Variants in ADK observed in about 807,000 individuals in gnomAD.
ADK encodes the protein N6,N6-dimethyladenosine kinase.
Under a neutral mutation model 44.7 loss-of-function variants are expected in ADK, and 24 were observed. That is an observed-to-expected ratio of 0.54 (90% confidence interval 0.39 to 0.76). ADK has a LOEUF of 0.76. Ranked by LOEUF, ADK falls within the 30% of genes least tolerant of loss-of-function variation. The probability of loss-of-function intolerance (pLI) is 0.00; values close to 1 mark genes in which losing one functional copy is unlikely to be tolerated. For synonymous variants in ADK, 128 were observed against 142.6 expected (o/e 0.90, Z 0.73); for missense variants, 321 against 425.1 (o/e 0.76, Z 2.15).
intron 2 of ADK, among the ~76,000 whole-genome samples, chr10:74,218,665 ATC>A (rs999344472): frequency 3.3e-5 from 5 of 152,340 alleles, no homozygotes; most frequent in Admixed American, 6.5e-5. Flanking sequence ...CTAACAGCGG[ATC>A]TCTCGGCAAA....
chr10:74,703,277 T>C (rs936335743), intron 10 of ADK, among the ~76,000 whole-genome samples: 7 of 151,698 alleles, frequency 4.6e-5, no homozygotes, highest in African/African-American at 1.7e-4. Flanking sequence ...AGTCCAGGAG[T>C]TCGAGACCAG....
chr10:74,474,950 A>G (rs1589148258), intron 6 of ADK, among the ~76,000 whole-genome samples: 1 of 151,818 alleles, frequency 6.6e-6, no homozygotes, highest in Non-Finnish European at 1.5e-5. Context: ...ACATGGTGAA[A>G]CCCCGTCTCT....
rs570029131 is a variant in ADK at position 74,632,933 on chromosome 10, C to G, written c.877+32440C>G. Reference sequence around the variant, plus strand: ...ATACTGTTGATATGTTTGTTTTTTCCTTTTTTCAGTTTATAATATATTCTG... The same window carrying G: ...ATACTGTTGATATGTTTGTTTTTTCGTTTTTTCAGTTTATAATATATTCTG... On this transcript the variant is annotated intron_variant, in intron 9 of 10. Coordinates refer to ENST00000539909, the MANE Select transcript of ADK (RefSeq NM_006721.4). Among the ~76,000 whole-genome samples, 107 of 151,734 alleles carry G rather than the reference C, an allele frequency of 7.1e-4. No individual in the cohort carries two copies. The Middle Eastern group carries it at 0.014, about 19-fold the overall frequency.
intron 1 of ADK, among the ~76,000 whole-genome samples, chr10:74,184,276 A>G (rs993908452): frequency 1.3e-5 from 2 of 152,202 alleles, no homozygotes; most frequent in African/African-American, 4.8e-5. Context: ...CATATGTTCC[A>G]GTTTGCCCAG....
At chr10:74,570,250 G>A (rs552683352) in intron 7 of ADK, among the ~76,000 whole-genome samples, 1,552 of 151,636 alleles carry the variant, frequency 0.01, 30 homozygotes, top group African/African-American at 0.036. Flanking sequence ...TTGACTTGGC[G>A]ATGCGGGCTC....
chr10:74,199,010 G>T (rs1416572464), intron 1 of ADK, among the ~76,000 whole-genome samples: 2 of 152,076 alleles, frequency 1.3e-5, no homozygotes, highest in African/African-American at 4.8e-5. Context: ...GAAAAGATGT[G>T]CATTTAAATT....
intron 4 of ADK, among the ~76,000 whole-genome samples, chr10:74,340,629 A>G (rs1841552627): frequency 6.6e-6 from 1 of 152,182 alleles, no homozygotes; most frequent in African/African-American, 2.4e-5. Flanking sequence ...AGATCTGGGC[A>G]TCAGAATAGA....
intron 9 of ADK, among the ~76,000 whole-genome samples, chr10:74,614,286 T>G (rs1369105055): frequency 6.6e-6 from 1 of 152,124 alleles, no homozygotes; most frequent in African/African-American, 2.4e-5. Context: ...ATATAAGCCC[T>G]ATTATAGCAC....
At chr10:74,161,420 A>G (rs764185526) in intron 1 of ADK, among the ~76,000 whole-genome samples, 6 of 152,208 alleles carry the variant, frequency 3.9e-5, no homozygotes, top group Non-Finnish European at 7.3e-5. Flanking sequence ...TGTGTTAGCC[A>G]GTATGGTCTC....
At chr10:74,634,887 A>G (rs114309236) in intron 9 of ADK, among the ~76,000 whole-genome samples, 2,669 of 152,144 alleles carry the variant, frequency 0.018, 70 homozygotes, top group African/African-American at 0.061. Flanking sequence ...AGAGGTTGCA[A>G]TGAGCCGAGA....
chr10:74,371,779 T>C lies in ADK; in HGVS notation c.274-22362T>C, dbSNP rs1049669383. On this transcript the variant is annotated intron_variant, in intron 4 of 10. Coordinates refer to ENST00000539909, the MANE Select transcript of ADK (RefSeq NM_006721.4). ...GTCAGTGTTATATCCTCCAGGAATA[T>C]TGGCCAAAGGGCTGTGCTGAAGTTT... 15 of 1,316,194 alleles carry C rather than the reference T, an allele frequency of 1.1e-5. No homozygotes were observed. The African/African-American group carries it at 1.4e-4, about 13-fold the overall frequency. The allele number at this position is 1,316,194 out of a possible 1,614,324, so 81.5% of individuals were successfully genotyped here.
At chr10:74,449,436 G>C (rs1035670647) in intron 6 of ADK, among the ~76,000 whole-genome samples, 24 of 152,162 alleles carry the variant, frequency 1.6e-4, no homozygotes, top group African/African-American at 5.6e-4. Context: ...CTGTAGCCTA[G>C]TCAAGTTGTC....
chr10:74,512,471 C>A (rs1179581901), intron 6 of ADK, among the ~76,000 whole-genome samples: 1 of 134,688 alleles, frequency 7.4e-6, no homozygotes, highest in Non-Finnish European at 1.6e-5. Flanking sequence ...TGTCATTGGT[C>A]TGTTTAGGCT....
At chr10:74,506,305 C>A in intron 6 of ADK, 1 of 254,792 alleles carries the variant, frequency 3.9e-6, no homozygotes. Context: ...TGGTGGGCAA[C>A]CACAGCTGCA....
intron 6 of ADK, among the ~76,000 whole-genome samples, chr10:74,440,345 G>T (rs575502418): frequency 6.6e-6 from 1 of 152,220 alleles, no homozygotes; most frequent in South Asian, 2.1e-4. Flanking sequence ...TCACCTGGCT[G>T]ATAAGTGACA....
chr10:74,182,644 A>G (rs1027886243), intron 1 of ADK, among the ~76,000 whole-genome samples: 1 of 152,142 alleles, frequency 6.6e-6, no homozygotes, highest in African/African-American at 2.4e-5. Flanking sequence ...GCTCACAGGC[A>G]TGAGCTACCG....
chr10:74,538,693 T>C (rs187997144), intron 7 of ADK, among the ~76,000 whole-genome samples: 2 of 152,328 alleles, frequency 1.3e-5, no homozygotes, highest in East Asian at 3.9e-4. Context: ...TCATTATCTT[T>C]TTACTAAACC....
chr10:74,484,608 A>G (rs1847200135), intron 6 of ADK, among the ~76,000 whole-genome samples: 1 of 152,190 alleles, frequency 6.6e-6, no homozygotes, highest in Non-Finnish European at 1.5e-5. Flanking sequence ...ATACATTTCT[A>G]TGGAAAAGCA....
At chr10:74,623,023 A>T (rs1392304181) in intron 9 of ADK, among the ~76,000 whole-genome samples, 1 of 152,130 alleles carries the variant, frequency 6.6e-6, no homozygotes, top group Admixed American at 6.6e-5. Context: ...CAAAAAACAA[A>T]AAACAAAAAA....
Sources: allele counts gnomAD v4.1 joint callset (sites outside exome capture counted in the v4.1 genomes callset), GRCh38; gene constraint gnomAD v4.1.1; transcripts MANE v1.5; gene names NCBI Gene and HGNC (gene_info 2026-07-23, HGNC 2026-07-21).